The following TNXB variants were observed in gnomAD, a reference collection of about 807,000 sequenced individuals.
TNXB encodes the protein tenascin-X.
In TNXB, 183 loss-of-function variants were observed where a neutral mutation model predicts 340.5. The observed-to-expected ratio is 0.54, with a 90% CI of 0.48 to 0.61. TNXB has a LOEUF of 0.61. Ranked by LOEUF, TNXB falls within the 20% of genes least tolerant of loss-of-function variation. The pLI, the probability that TNXB is intolerant of heterozygous loss-of-function variation, is 0.00. For synonymous variants in TNXB, 2,121 were observed against 2,314.5 expected, an observed-to-expected ratio of 0.92 and a Z score of 2.40; for missense variants, 4,613 against 5,446.4, an observed-to-expected ratio of 0.85 and a Z score of 4.82.
Position 32,081,754 on chromosome 6 carries a change from A to G in TNXB, c.3737-81T>C. 1 of 502,456 alleles carries G rather than the reference A, an allele frequency of 2.0e-6. No individual in the cohort carries two copies. Among genetic ancestry groups the G allele is most frequent in the South Asian group, 2.0e-5 (1 of 48,942 alleles). 31.1% of individuals were successfully genotyped at this position (502,456 alleles called of 1,614,324 possible). A position where few individuals can be genotyped will look rare whatever the true frequency, so the allele number is the denominator to read the frequency against. On this transcript the variant is annotated intron_variant, in intron 9 of 43. Transcript: ENST00000644971. The surrounding 1 kb of genome is among the most constrained non-coding windows in gnomAD (Gnocchi z 5.1). ...GGGGTTTCGACGGGATGTCACACCT[A>G]TGGGGGGTGGGGGGTCACTAGTCCA...
chr6:32,058,686 G>T lies in TNXB; in HGVS notation c.7493-296C>A, dbSNP rs1042482905. Among the ~76,000 whole-genome samples, 2 of 151,730 alleles carry T rather than the reference G, an allele frequency of 1.3e-5. No individual in the cohort carries two copies. The highest frequency in any genetic ancestry group is 2.4e-5 in the African/African-American group (1 of 41,060). ...CCTTTGACCCAATAATCCCAGTTCT[G>T]GGCATCTGTCCTAAGAAAATTATTA... On this transcript the variant is annotated intron_variant, in intron 21 of 43. Transcript: ENST00000644971. The surrounding 1 kb of genome is among the most constrained non-coding windows in gnomAD (Gnocchi z 5.1).
intron 1 of TNXB, 76 bp from the exon 2 acceptor site, chr6:32,098,282 C>T (rs1267872360): frequency 3.3e-6 from 4 of 1,195,570 alleles, no homozygotes; most frequent in Admixed American, 3.0e-5. Context: ...CCAGCACATA[C>T]CCACGGTCCC....
At position 32,070,608 on chromosome 6, in the gene TNXB, G is replaced by A. The variant is rs1778716274; in HGVS notation, c.4991-194C>T. On this transcript the variant is annotated intron_variant, in intron 13 of 43. Coordinates refer to ENST00000644971, the MANE Select transcript of TNXB (RefSeq NM_001365276.2). This position sits in a 1 kb window ranked among gnomAD's most constrained non-coding sequence, Gnocchi z 6.0. ...TTGACCCAAGTGGGGAGGGTCACCTGTCCTGAGTCACCTCCAGGAAAAGAG... is the reference window on the plus strand; with the variant it reads ...TTGACCCAAGTGGGGAGGGTCACCTATCCTGAGTCACCTCCAGGAAAAGAG... Among the ~76,000 whole-genome samples, 1 of 152,096 alleles carries A rather than the reference G, an allele frequency of 6.6e-6. No individual in the cohort carries two copies. The highest frequency in any genetic ancestry group is 1.5e-5 in the Non-Finnish European group (1 of 68,016).
In TNXB at chr6:32,070,553, C is replaced by T; in HGVS notation, c.4991-139G>A. On this transcript the variant is annotated intron_variant, in intron 13 of 43. Transcript: ENST00000644971. The surrounding 1 kb of genome is among the most constrained non-coding windows in gnomAD (Gnocchi z 6.0). ...TTCCATCACCTCCCATCCTCACCACCATCTCCGTCTGGTCCATGCCTCTCT... is the reference window on the plus strand; with the variant it reads ...TTCCATCACCTCCCATCCTCACCACTATCTCCGTCTGGTCCATGCCTCTCT... 2 of 972,610 alleles carry T rather than the reference C, an allele frequency of 2.1e-6. No homozygotes were observed. The highest frequency in any genetic ancestry group is 1.6e-5 in the African/African-American group (1 of 60,914). 60.2% of individuals were successfully genotyped at this position (972,610 alleles called of 1,614,324 possible). A position where few individuals can be genotyped will look rare whatever the true frequency, so the allele number is the denominator to read the frequency against.
chr6:32,105,482 A>G (rs761118049), intron 1 of TNXB, among the ~76,000 whole-genome samples: 3 of 151,500 alleles, frequency 2.0e-5, no homozygotes, highest in Non-Finnish European at 2.9e-5. Context: ...CATGGCACCT[A>G]TTTTTTTTTC....
Position 32,067,693 on chromosome 6 carries a change from C to T in TNXB, c.6512G>A (p.Arg2171His), listed in dbSNP as rs759746642. Residue 2171 changes from arginine to histidine, a missense_variant, in exon 18 of 44, where the codon CGC (arginine) becomes CAC (histidine). Physicochemically the swap from Arg to His is conservative, Grantham distance 29. Coordinates refer to ENST00000644971, the MANE Select transcript of TNXB (RefSeq NM_001365276.2). This position sits in a 1 kb window ranked among gnomAD's most constrained non-coding sequence, Gnocchi z 4.2. ...MHLYGLHEGR[R>H]VGPVSAVGVT... The stretch of plus-strand genomic sequence containing the variant: ...GCCCACAGCAGACACTGGGCCCACG[C>T]GCCGCCCCTCGTGGAGGCCGTACAG... 2.0e-5 allele frequency: 33 copies of T among 1,613,626 alleles called. No individual in the cohort carries two copies. Among genetic ancestry groups the T allele is most frequent in the East Asian group, 6.7e-5 (3 of 44,888 alleles).
intron 19 of TNXB, among the ~76,000 whole-genome samples, chr6:32,063,553 G>T (rs925666804): frequency 1.3e-5 from 2 of 152,186 alleles, no homozygotes; most frequent in Admixed American, 1.3e-4. Flanking sequence ...GTAGAGAGAT[G>T]AGACCACATG....
chr6:32,088,257 C>T (rs957298794), intron 6 of TNXB, among the ~76,000 whole-genome samples: 7 of 152,064 alleles, frequency 4.6e-5, no homozygotes, highest in African/African-American at 1.4e-4. Context: ...AAAGGGGAGT[C>T]GGGGAAGAGA....
At position 32,062,248 on chromosome 6, in the gene TNXB, G is replaced by T; in HGVS notation, c.7077C>A (p.Ser2359=). ...TGTACTTGTTGTCTGGCTCCAGGCC[G>T]GAGATGGTGACCCTGTCCTCATGTC... ...VPGHEDRVTI[S]GLEPDNKYKM... The change falls in exon 20 of 44, where the codon TCC becomes TCA. Residue 2359 remains serine, a synonymous_variant. Transcript: ENST00000644971. The surrounding 1 kb of genome is among the most constrained non-coding windows in gnomAD (Gnocchi z 4.3). 6.2e-7 allele frequency: 1 copy of T among 1,613,250 alleles called. No individual in the cohort carries two copies. The highest frequency in any genetic ancestry group is 8.5e-7 in the Non-Finnish European group (1 of 1,179,866).
In TNXB at chr6:32,049,656, G is replaced by T. The variant is rs944582820; in HGVS notation, c.9440-69C>A. The T allele has an allele frequency of 1.3e-6, 2 of 1,529,542 alleles. No individual in the cohort carries two copies. Among genetic ancestry groups the T allele is most frequent in the Non-Finnish European group, 1.8e-6 (2 of 1,130,192 alleles). 94.7% of individuals were successfully genotyped at this position (1,529,542 alleles called of 1,614,324 possible). On this transcript the variant is annotated intron_variant, in intron 27 of 43. Transcript: ENST00000644971. The surrounding 1 kb of genome is among the most constrained non-coding windows in gnomAD (Gnocchi z 4.5). The stretch of plus-strand genomic sequence containing the variant: ...GGGTCCTGGGGAAAAGGAGGGAGAA[G>T]CCAAGGCTATGACTGGGGGACCTGA...
rs1779577667 is a variant in TNXB at position 32,083,218 on chromosome 6, C to T, written c.3446-892G>A. On this transcript the variant is annotated intron_variant, in intron 8 of 43. Transcript: ENST00000644971. The surrounding 1 kb of genome is among the most constrained non-coding windows in gnomAD (Gnocchi z 4.6). ...GACAGCACCCTCCCTGGTTCTGCCC[C>T]TCCCTGCAAGTCACTCCGCAAGCTA... Among the ~76,000 whole-genome samples the T allele has an allele frequency of 6.6e-6, 1 of 152,160 alleles. No homozygotes were observed. Among genetic ancestry groups the T allele is most frequent in the South Asian group, 2.1e-4 (1 of 4,820 alleles).
Position 32,072,305 on chromosome 6 carries a change from T to C in TNXB, c.4682-7A>G, listed in dbSNP as rs1778826311. The C allele has an allele frequency of 2.5e-6, 4 of 1,589,202 alleles. No homozygotes were observed. Among genetic ancestry groups the C allele is most frequent in the South Asian group, 1.1e-5 (1 of 88,314 alleles). ...GGGGCTGGTGGGAGGGGAGCTGGGATTTGGGAAGACAAAGAACATGGTTGA... is the reference window on the plus strand; with the variant it reads ...GGGGCTGGTGGGAGGGGAGCTGGGACTTGGGAAGACAAAGAACATGGTTGA... On this transcript the variant is annotated splice_region_variant and splice_polypyrimidine_tract_variant and intron_variant, in intron 12 of 43. Coordinates refer to ENST00000644971, the MANE Select transcript of TNXB (RefSeq NM_001365276.2). The surrounding 1 kb of genome is among the most constrained non-coding windows in gnomAD (Gnocchi z 4.4).
rs1392516770 is a variant in TNXB at position 32,049,876 on chromosome 6, C to A, written c.9439+122G>T. 5 of 1,484,958 alleles carry A rather than the reference C, an allele frequency of 3.4e-6. No homozygotes were observed. The highest frequency in any genetic ancestry group is 2.5e-5 in the South Asian group (2 of 78,566). The allele number at this position is 1,484,958 out of a possible 1,614,324, so 92.0% of individuals were successfully genotyped here. On this transcript the variant is annotated intron_variant, in intron 27 of 43. Transcript: ENST00000644971. This position sits in a 1 kb window ranked among gnomAD's most constrained non-coding sequence, Gnocchi z 4.5. ...GGAAGGCCCAAGGGGAGTCCCAGCC[C>A]CAGCCACAAGCAGTTCTGTGGTGCT...
chr6:32,069,659 CCT>C lies in TNXB; in HGVS notation c.5479_5480del (p.Arg1827GlyfsTer44), dbSNP rs778509233. 6 of 1,613,046 alleles carry C rather than the reference CCT, an allele frequency of 3.7e-6. No homozygotes were observed. The highest frequency in any genetic ancestry group is 5.1e-6 in the Non-Finnish European group (6 of 1,179,662). On this transcript the variant is annotated frameshift_variant, in exon 15 of 44. Transcript: ENST00000644971. LOFTEE classifies it high-confidence loss of function. This position sits in a 1 kb window ranked among gnomAD's most constrained non-coding sequence, Gnocchi z 6.2. ...GGTCCAGGCCCGGCACGCTGACCTC[CCT>C]GAGGCTGCCCTCCACGGGCACCACC... is the stretch of plus-strand genomic sequence containing the variant. ...PQVVPVEGSL[R>X]EVSVPGLDPA...
In TNXB at chr6:32,056,643, G is replaced by A; in HGVS notation, c.8086C>T (p.Leu2696=). The part of the protein sequence containing the change: ...LEPDHKYKMN[L]YGFHGGQRVG... ...CGCTGGCCACCGTGGAAGCCGTACA[G>A]GTTCATCTTGTATTTATGGTCTGGC... is the stretch of plus-strand genomic sequence containing the variant. The change falls in exon 23 of 44, where the codon CTG becomes TTG. Residue 2696 remains leucine (L), a synonymous_variant. Transcript: ENST00000644971. 6.2e-7 allele frequency: 1 copy of A among 1,613,128 alleles called. No homozygotes were observed. Among genetic ancestry groups the A allele is most frequent in the Middle Eastern group, 1.7e-4 (1 of 6,056 alleles).
chr6:32,047,305 T>A lies in TNXB; in HGVS notation c.10324+429A>T, dbSNP rs923274897. The stretch of plus-strand genomic sequence containing the variant: ...GGCATAGTGACACCAGGTTTTTCCA[T>A]CGTCTTTCCATAGCCAAGCCCTCCC... On this transcript the variant is annotated intron_variant, in intron 30 of 43. Transcript: ENST00000644971. This position sits in a 1 kb window ranked among gnomAD's most constrained non-coding sequence, Gnocchi z 6.2. 2.4e-4 allele frequency among the ~76,000 whole-genome samples: 37 copies of A among 152,232 alleles called. No individual in the cohort carries two copies. The highest frequency in any genetic ancestry group is 8.2e-4 in the African/African-American group (34 of 41,468).
chr6:32,082,981 C>T lies in TNXB; in HGVS notation c.3446-655G>A, dbSNP rs1150754. 0.099 allele frequency among the ~76,000 whole-genome samples: 15,030 copies of T among 152,180 alleles called. 934 individuals carry two copies. The highest frequency in any genetic ancestry group is 0.15 in the Non-Finnish European group (10,003 of 67,978). On this transcript the variant is annotated intron_variant, in intron 8 of 43. Coordinates refer to ENST00000644971, the MANE Select transcript of TNXB (RefSeq NM_001365276.2). This position sits in a 1 kb window ranked among gnomAD's most constrained non-coding sequence, Gnocchi z 5.0. The stretch of plus-strand genomic sequence containing the variant: ...CTTCCCTCTTTGCTCTCATTCCCAG[C>T]CCAGATTCCAGAAAGTGATGTCTAC...
chr6:32,059,491 G>T (rs1207839710), intron 21 of TNXB, among the ~76,000 whole-genome samples: 1 of 150,630 alleles, frequency 6.6e-6, no homozygotes, highest in Non-Finnish European at 1.5e-5. Context: ...AGTGTGGGGT[G>T]GGGGTGGGGC....
In TNXB at chr6:32,065,081, T is replaced by A; in HGVS notation, c.6581A>T (p.Lys2194Met). Reference sequence around the variant, plus strand: ...CACTGTCATCTGCCCTAGGCGCAGCTTTGCAAGAGGAGCATCAGGGGACTC... The same window carrying A: ...CACTGTCATCTGCCCTAGGCGCAGCATTGCAAGAGGAGCATCAGGGGACTC... ...EEESPDAPLA[K>M]LRLGQMTVRD... Residue 2194 changes from lysine (K) to methionine (M), a missense_variant, in exon 19 of 44, where the codon AAG (lysine) becomes ATG (methionine). Physicochemically the swap from Lys to Met is moderately conservative, Grantham distance 95 (BLOSUM62 -1). Around this residue, in one of 7 missense-constraint regions of TNXB, gnomAD observed 4,327 missense variants for 4,859.4 expected, o/e 0.89. Coordinates refer to ENST00000644971, the MANE Select transcript of TNXB (RefSeq NM_001365276.2). 6.3e-7 allele frequency: 1 copy of A among 1,593,512 alleles called. No individual in the cohort carries two copies. Among genetic ancestry groups the A allele is most frequent in the Non-Finnish European group, 8.5e-7 (1 of 1,170,094 alleles).
Sources: gnomAD v4.1 joint callset for allele counts (sites outside exome capture counted in the v4.1 genomes callset) on GRCh38, gnomAD v4.1.1 for gene constraint, gnomAD v4.1.1 regional missense constraint, Gnocchi (gnomAD v3.1) non-coding constraint, MANE v1.5 for transcripts, NCBI Gene and HGNC (gene_info 2026-07-23, HGNC 2026-07-21) for gene names.